The following TRPM5 variants were observed in gnomAD, a reference collection of about 807,000 sequenced individuals.
TRPM5 encodes the protein transient receptor potential cation channel subfamily M member 5.
A neutral mutation model predicts 124.9 loss-of-function variants in TRPM5; 121 were observed. That is an observed-to-expected ratio of 0.97 (90% CI 0.84 to 1.13). The LOEUF is 1.13. Among genes scored for constraint, TRPM5 ranks in the 50% most tolerant of loss-of-function variants. The pLI is 0.00. For missense variants in TRPM5, 1,643 were observed against 1,589.1 expected, an observed-to-expected ratio of 1.03 and a Z score of -0.58; for synonymous variants, 781 against 700.5, an observed-to-expected ratio of 1.11 and a Z score of -1.81.
rs942205544 is a variant in TRPM5, at chr11:2,418,230, C to T, written c.843G>A (p.Gln281=). The T allele has an allele frequency of 4.4e-6, 7 of 1,586,636 alleles. No homozygotes were observed. The African/African-American group carries it at 8.0e-5, about 18-fold the overall frequency. Residue 281 remains glutamine (Q), a synonymous_variant, in exon 6 of 24, where the codon CAG becomes CAA. Transcript: ENST00000155858. ...GCTTGCTGGGGAACTTCTCCTTAAA[C>T]TGCTTCTCGGCCACCTTGGGCACCA...
exon 9 of TRPM5, chr11:2,415,273 G>T (rs775302014): frequency 6.4e-7 from 1 of 1,572,962 alleles, no homozygotes; most frequent in Admixed American, 1.8e-5. Flanking sequence ...AGGCCGGCCA[G>T]CGTCAGCCGG....
At chr11:2,434,276 CTGTG>C in the TRPM5 span, among the ~76,000 whole-genome samples, 2 of 146,354 alleles carry the variant, frequency 1.4e-5, no homozygotes, top group East Asian at 4.2e-4. Flanking sequence ...TGTGTGGACA[CTGTG>C]TGACTGCATG....
chr11:2,416,005 CTGGCTG>C (rs1352117459), exon 8 of TRPM5: 1 of 1,593,048 alleles, frequency 6.3e-7, no homozygotes, highest in Non-Finnish European at 8.5e-7. Flanking sequence ...CCTGAGGCTC[CTGGCTG>C]TGGCTCTTGC....
At chr11:2,411,659 G>C (rs1850454552) in exon 17 of TRPM5, 2 of 1,612,416 alleles carry the variant, frequency 1.2e-6, no homozygotes, top group Admixed American at 3.3e-5. Flanking sequence ...CGATGATCTT[G>C]GGGCCCAGCT....
chr11:2,437,951 G>C, the TRPM5 span, among the ~76,000 whole-genome samples: 1 of 152,110 alleles, frequency 6.6e-6, no homozygotes, highest in Admixed American at 6.5e-5. This position sits in a 1 kb window ranked among gnomAD's most constrained non-coding sequence, Gnocchi z 5.6. Context: ...ACAAATACTA[G>C]CAAACCAAAT....
At chr11:2,407,181 T>C in exon 20 of TRPM5, 4 of 1,611,298 alleles carry the variant, frequency 2.5e-6, no homozygotes, top group Non-Finnish European at 3.4e-6. Flanking sequence ...CAGGCTCAGG[T>C]GGCTGAGCAG....
chr11:2,438,065 A>T, the TRPM5 span, among the ~76,000 whole-genome samples: 2 of 152,338 alleles, frequency 1.3e-5, no homozygotes, highest in African/African-American at 4.8e-5. This position sits in a 1 kb window ranked among gnomAD's most constrained non-coding sequence, Gnocchi z 5.9. Context: ...GGTTTGTCAC[A>T]TAAACAGAAC....
chr11:2,416,968 G>A (rs960149303), intron 7 of TRPM5, among the ~76,000 whole-genome samples: 5 of 152,154 alleles, frequency 3.3e-5, no homozygotes, highest in African/African-American at 4.8e-5. Context: ...AAACCCTCCC[G>A]CTGCCTGCAG....
chr11:2,411,799 G>T (rs2133511352), intron 16 of TRPM5, 32 bp from the exon 22 acceptor site: 1 of 1,610,332 alleles, frequency 6.2e-7, no homozygotes, highest in South Asian at 1.1e-5. Flanking sequence ...CGGCTGCGGG[G>T]CCCAGAGAGG....
At chr11:2,406,689 C>T in exon 21 of TRPM5, 3 of 1,613,102 alleles carry the variant, frequency 1.9e-6, no homozygotes, top group Non-Finnish European at 2.5e-6. Context: ...AGCACCTCCC[C>T]CTCGCTGTCC....
Position 2,405,103 on chromosome 11 carries a change from G to A in TRPM5, c.3392-60C>T, listed in dbSNP as rs552830553. ...ACCAGCAAGGCAGGCCCAGGAAGGG[G>A]AGAGGTAGCTGGCTCAGAGGCAAGG... On this transcript the variant is annotated intron_variant, in intron 23 of 23. Transcript: ENST00000155858. The A allele has an allele frequency of 6.4e-4, 927 of 1,458,644 alleles. 4 individuals carry two copies. Among genetic ancestry groups the A allele is most frequent in the Non-Finnish European group, 8.0e-4 (846 of 1,052,192 alleles). The allele number at this position is 1,458,644 out of a possible 1,614,324, so 90.4% of individuals were successfully genotyped here. A position where few individuals can be genotyped will look rare whatever the true frequency, so the allele number is the denominator to read the frequency against.
chr11:2,405,270 T>C (rs988800411), intron 23 of TRPM5, among the ~76,000 whole-genome samples: 32 of 152,208 alleles, frequency 2.1e-4, no homozygotes, highest in Admixed American at 7.2e-4. Flanking sequence ...GTTTGCTTGC[T>C]GAGCAGGACA....
At chr11:2,411,078 G>A (rs563653412) in intron 18 of TRPM5, among the ~76,000 whole-genome samples, 35 of 152,274 alleles carry the variant, frequency 2.3e-4, no homozygotes, top group Non-Finnish European at 4.7e-4. Flanking sequence ...AGCCCTGGCT[G>A]CCTTGGGGTC....
At position 2,414,788 on chromosome 11, in the gene TRPM5, C is replaced by T. The variant is rs1464851323; in HGVS notation, c.1671G>A (p.Glu557=). The change falls in exon 11 of 24, where the codon GAG becomes GAA. Residue 557 remains glutamate (E), a synonymous_variant. Coordinates refer to ENST00000155858, the Ensembl canonical transcript of TRPM5. ...CGGCCTCCGTCTCCAGGTGCGACAT[C>T]TCTTTGAGGATTTTGCAGGCGGCCA... 3 of 1,575,064 alleles carry T rather than the reference C, an allele frequency of 1.9e-6. No individual in the cohort carries two copies. In the South Asian group the frequency reaches 3.5e-5, roughly 18 times the overall value.
chr11:2,425,545 C>T (rs965812403), upstream of TRPM5, among the ~76,000 whole-genome samples: 7 of 152,200 alleles, frequency 4.6e-5, no homozygotes, highest in African/African-American at 1.7e-4. Context: ...AGTATCCAAC[C>T]ATTAGTGTCG....
At chr11:2,440,605 C>A in the TRPM5 span, among the ~76,000 whole-genome samples, 1 of 152,294 alleles carries the variant, frequency 6.6e-6, no homozygotes, top group Non-Finnish European at 1.5e-5. The surrounding 1 kb of genome is among the most constrained non-coding windows in gnomAD (Gnocchi z 5.2). Flanking sequence ...GGGACCCTTG[C>A]TGACCACCCT....
intron 12 of TRPM5, 30 bp from the exon 18 acceptor site, chr11:2,413,618 A>T (rs752852057): frequency 9.4e-6 from 15 of 1,590,314 alleles, no homozygotes; most frequent in Non-Finnish European, 1.2e-5. Flanking sequence ...GTCGGCTCCA[A>T]CTCTGCACCT....
the TRPM5 span, among the ~76,000 whole-genome samples, chr11:2,429,509 T>C: frequency 6.6e-6 from 1 of 151,580 alleles, no homozygotes; most frequent in Non-Finnish European, 1.5e-5. This position sits in a 1 kb window ranked among gnomAD's most constrained non-coding sequence, Gnocchi z 8.4. Flanking sequence ...TTGGTGATGG[T>C]GTGGTACGAT....
upstream of TRPM5, among the ~76,000 whole-genome samples, chr11:2,427,260 G>A (rs989135199): frequency 1.3e-5 from 2 of 152,234 alleles, no homozygotes; most frequent in Non-Finnish European, 2.9e-5. Flanking sequence ...CACCTGGGAG[G>A]AGGAGGTACA....
Sources: allele counts gnomAD v4.1 joint callset (sites outside exome capture counted in the v4.1 genomes callset), GRCh38; gene constraint gnomAD v4.1.1; non-coding constraint Gnocchi (gnomAD v3.1); transcripts MANE v1.5; gene names NCBI Gene and HGNC (gene_info 2026-07-23, HGNC 2026-07-21).